Variants in RPN2 observed in about 807,000 individuals in gnomAD.
RPN2 encodes dolichyl-diphosphooligosaccharide--protein glycosyltransferase subunit 2.
A neutral mutation model predicts 71.4 loss-of-function variants in RPN2; 29 were observed. The ratio of observed to expected loss-of-function variants is 0.41; its 90% CI spans 0.30 to 0.55. The LOEUF (loss-of-function observed/expected upper bound fraction) is 0.55. Among genes scored for constraint, RPN2 ranks in the 20% least tolerant of loss-of-function variants. RPN2 has a pLI of 0.35. For missense variants in RPN2, 726 were observed against 774.1 expected (o/e 0.94, Z 0.74); for synonymous variants, 308 against 305.0 (o/e 1.01, Z -0.10).
At chr20:37,224,671 C>G (rs2146666419) in intron 10 of RPN2, among the ~76,000 whole-genome samples, 1 of 152,300 alleles carries the variant, frequency 6.6e-6, no homozygotes, top group South Asian at 2.1e-4. Context: ...ATCAGCCCTC[C>G]CCCAGATCCT....
chr20:37,216,071 G>C (rs1470119388), intron 9 of RPN2, among the ~76,000 whole-genome samples: 1 of 152,162 alleles, frequency 6.6e-6, no homozygotes, highest in Non-Finnish European at 1.5e-5. Flanking sequence ...AGGTGAGGTG[G>C]CTCACACCTG....
intron 2 of RPN2, among the ~76,000 whole-genome samples, chr20:37,188,980 C>T (rs1260798601): frequency 6.6e-6 from 1 of 151,684 alleles, no homozygotes; most frequent in Non-Finnish European, 1.5e-5. Flanking sequence ...GTCATCCGGG[C>T]TGGAGTGCAG....
At chr20:37,190,567 T>C (rs2067118205) in intron 2 of RPN2, among the ~76,000 whole-genome samples, 1 of 152,206 alleles carries the variant, frequency 6.6e-6, no homozygotes, top group African/African-American at 2.4e-5. Flanking sequence ...TAATACGTAG[T>C]ATTACCCTTA....
At chr20:37,221,195 CTTTTTTT>C (rs1176292055) in intron 9 of RPN2, among the ~76,000 whole-genome samples, 1 of 135,254 alleles carries the variant, frequency 7.4e-6, no homozygotes, top group Non-Finnish European at 1.6e-5. Flanking sequence ...TTACACAATT[CTTTTTTT>C]TTTTTTTTTT....
intron 2 of RPN2, among the ~76,000 whole-genome samples, chr20:37,185,306 T>G (rs1046853722): frequency 6.6e-6 from 1 of 152,024 alleles, no homozygotes; most frequent in Admixed American, 6.6e-5. Context: ...TGGCAATTTT[T>G]GTATTTTTTC....
chr20:37,199,375 A>G (rs2067329540), intron 4 of RPN2, 150 bp downstream of exon 4: 1 of 982,980 alleles, frequency 1.0e-6, no homozygotes, highest in East Asian at 2.6e-5. Context: ...CACCGCAGAC[A>G]TGATTGCATG....
At chr20:37,221,014 A>G (rs1242880641) in intron 9 of RPN2, among the ~76,000 whole-genome samples, 1 of 152,172 alleles carries the variant, frequency 6.6e-6, no homozygotes, top group Non-Finnish European at 1.5e-5. Context: ...CACTCCATGT[A>G]TCTGCATTGT....
intron 7 of RPN2, 138 bp downstream of exon 7, chr20:37,207,587 C>T (rs1051334710): frequency 3.3e-5 from 27 of 824,064 alleles, no homozygotes; most frequent in Non-Finnish European, 5.6e-5. Flanking sequence ...GGCTCATTTC[C>T]CTGAGCCTTG....
intron 9 of RPN2, among the ~76,000 whole-genome samples, chr20:37,216,878 T>A (rs1006295020): frequency 2.6e-5 from 4 of 152,176 alleles, no homozygotes; most frequent in African/African-American, 9.7e-5. Context: ...ATAATTGTAC[T>A]TATTGCATTA....
intron 2 of RPN2, among the ~76,000 whole-genome samples, chr20:37,185,541 T>C (rs1350715286): frequency 3.3e-5 from 5 of 152,200 alleles, no homozygotes; most frequent in Non-Finnish European, 7.3e-5. Flanking sequence ...TTAGTTTTCT[T>C]TGACTGAAGA....
At chr20:37,212,759 G>A (rs1409749855) in intron 8 of RPN2, among the ~76,000 whole-genome samples, 2 of 152,150 alleles carry the variant, frequency 1.3e-5, no homozygotes, top group Non-Finnish European at 2.9e-5. Context: ...AGGATTACAG[G>A]TGTGAGCCAC....
chr20:37,179,547 G>A, intron 1 of RPN2, 178 bp downstream of exon 1: 6 of 1,387,156 alleles, frequency 4.3e-6, no homozygotes, highest in South Asian at 1.7e-5. Context: ...GCTGGTGGGA[G>A]TGCCCGCGAC....
chr20:37,182,813 A>G (rs2066916459), intron 1 of RPN2, among the ~76,000 whole-genome samples: 1 of 152,242 alleles, frequency 6.6e-6, no homozygotes, highest in East Asian at 1.9e-4. Context: ...TGGGTGCCAG[A>G]CAATGCACTT....
chr20:37,195,317 C>T lies in RPN2; in HGVS notation c.208-3080C>T, dbSNP rs139645499. On this transcript the variant is annotated intron_variant, in intron 2 of 16. Transcript: ENST00000237530. ...CATCTTGGGCTTTGAAGCCACTGAACGCCGGACTGGTTTACCTTGATTTGT... is the reference window on the plus strand; with the variant it reads ...CATCTTGGGCTTTGAAGCCACTGAATGCCGGACTGGTTTACCTTGATTTGT... Among the ~76,000 whole-genome samples, 752 of 152,258 alleles carry T rather than the reference C, an allele frequency of 4.9e-3. 8 individuals are homozygous for T. Among genetic ancestry groups the T allele is most frequent in the African/African-American group, 0.017 (711 of 41,546 alleles).
At chr20:37,192,698 T>C (rs11698554) in intron 2 of RPN2, among the ~76,000 whole-genome samples, 7,733 of 152,296 alleles carry the variant, frequency 0.051, 313 homozygotes, top group Non-Finnish European at 0.089. Context: ...ATCAAATACA[T>C]GCACGAATAT....
chr20:37,181,433 T>TTC (rs959242147), intron 1 of RPN2, among the ~76,000 whole-genome samples: 6 of 70,366 alleles, frequency 8.5e-5, no homozygotes, highest in African/African-American at 2.6e-4. Flanking sequence ...TTTCTTTTCT[T>TTC]TTTTTTTTTT....
At chr20:37,218,883 C>G (rs774296181) in intron 9 of RPN2, among the ~76,000 whole-genome samples, 2 of 151,972 alleles carry the variant, frequency 1.3e-5, no homozygotes, top group Non-Finnish European at 2.9e-5. Context: ...AAATAATATT[C>G]CATTGTATGG....
At chr20:37,220,454 A>G (rs2067925176) in intron 9 of RPN2, among the ~76,000 whole-genome samples, 1 of 152,106 alleles carries the variant, frequency 6.6e-6, no homozygotes, top group Admixed American at 6.6e-5. Flanking sequence ...ATTAGCATTA[A>G]TTGCCCCTAA....
At chr20:37,201,938 G>A (rs1326360562) in intron 4 of RPN2, among the ~76,000 whole-genome samples, 1 of 152,190 alleles carries the variant, frequency 6.6e-6, no homozygotes, top group African/African-American at 2.4e-5. Flanking sequence ...CAATTTCTCT[G>A]AATCATCTGC....
Sources: gnomAD v4.1 joint callset for allele counts (sites outside exome capture counted in the v4.1 genomes callset) on GRCh38, gnomAD v4.1.1 for gene constraint, MANE v1.5 for transcripts, NCBI Gene and HGNC (gene_info 2026-07-23, HGNC 2026-07-21) for gene names.